The following GRM5 variants were observed in gnomAD, a reference collection of about 807,000 sequenced individuals.
GRM5 encodes the protein metabotropic glutamate receptor 5.
Under a neutral mutation model 83.1 loss-of-function variants are expected in GRM5, and 19 were observed. That is an observed-to-expected ratio of 0.23 (90% CI 0.16 to 0.34). GRM5 has a LOEUF of 0.34. Among genes scored for constraint, GRM5 ranks in the 10% least tolerant of loss-of-function variants. The pLI, the probability that GRM5 is intolerant of heterozygous loss-of-function variation, is 1.00. For missense variants in GRM5, 1,160 were observed against 1,588.3 expected, an observed-to-expected ratio of 0.73 and a Z score of 4.58; for synonymous variants, 675 against 633.6, an observed-to-expected ratio of 1.07 and a Z score of -0.98.
In GRM5 at chr11:88,639,680, C is replaced by T. The variant is rs557040680; in HGVS notation, c.1147+13488G>A. Among the ~76,000 whole-genome samples, 9 of 152,008 alleles carry T rather than the reference C, an allele frequency of 5.9e-5. No individual in the cohort carries two copies. The South Asian group carries it at 1.9e-3, about 32-fold the overall frequency. Reference sequence around the variant, plus strand: ...TCTCCTCACTGCAAGCTCCACCTCCCAGGTTCATGCCATTCTCCTGCCTCA... The same window carrying T: ...TCTCCTCACTGCAAGCTCCACCTCCTAGGTTCATGCCATTCTCCTGCCTCA... On this transcript the variant is annotated intron_variant, in intron 4 of 9. Transcript: ENST00000305447.
chr11:88,908,076 T>C (rs1347508322), intron 2 of GRM5, among the ~76,000 whole-genome samples: 1 of 152,120 alleles, frequency 6.6e-6, no homozygotes, highest in Non-Finnish European at 1.5e-5. Flanking sequence ...ATATTGACTA[T>C]GGTTATTAAA....
intron 3 of GRM5, among the ~76,000 whole-genome samples, chr11:88,811,041 A>C (rs1162440456): frequency 6.6e-6 from 1 of 152,168 alleles, no homozygotes; most frequent in Admixed American, 6.6e-5. Flanking sequence ...AGATTATCTC[A>C]GCTCTAATAT....
chr11:88,508,575 G>A lies in GRM5; in HGVS notation c.*17C>T, dbSNP rs1246222037. 3.1e-6 allele frequency: 5 copies of A among 1,600,190 alleles called. No individual in the cohort carries two copies. Among genetic ancestry groups the A allele is most frequent in the Non-Finnish European group, 4.3e-6 (5 of 1,171,094 alleles). On this transcript the variant is annotated 3_prime_UTR_variant, in exon 10 of 10. Transcript: ENST00000305447. This position sits in a 1 kb window ranked among gnomAD's most constrained non-coding sequence, Gnocchi z 4.2. ...CTCCGCTCCGCACGCGCAGGCCGGCGTGCTTTCCAGGGACATTCACAACGA... is the reference window on the plus strand; with the variant it reads ...CTCCGCTCCGCACGCGCAGGCCGGCATGCTTTCCAGGGACATTCACAACGA...
chr11:88,736,828 T>C (rs955442053), intron 3 of GRM5, among the ~76,000 whole-genome samples: 2 of 152,012 alleles, frequency 1.3e-5, no homozygotes, highest in African/African-American at 2.4e-5. Flanking sequence ...CACTGAACTG[T>C]TTATCAATAT....
chr11:88,692,135 G>T (rs1940795436), intron 3 of GRM5, among the ~76,000 whole-genome samples: 1 of 152,122 alleles, frequency 6.6e-6, no homozygotes, highest in Non-Finnish European at 1.5e-5. Flanking sequence ...TCCTTTATGA[G>T]ATTGTTCTAG....
intron 8 of GRM5, among the ~76,000 whole-genome samples, chr11:88,531,616 C>T (rs975626570): frequency 6.6e-6 from 1 of 152,126 alleles, no homozygotes; most frequent in Admixed American, 6.6e-5. Flanking sequence ...AAATTGCAGA[C>T]TCTCTGAGAA....
At chr11:88,642,753 T>G (rs1490612324) in intron 4 of GRM5, among the ~76,000 whole-genome samples, 1 of 152,180 alleles carries the variant, frequency 6.6e-6, no homozygotes, top group East Asian at 1.9e-4. Flanking sequence ...CCAAGCTCTT[T>G]GCTAAGACAT....
At chr11:88,818,323 G>C (rs1039389940) in intron 3 of GRM5, among the ~76,000 whole-genome samples, 2 of 152,000 alleles carry the variant, frequency 1.3e-5, no homozygotes, top group South Asian at 4.2e-4. Context: ...TAATCAGCCT[G>C]TGACATTCCT....
At chr11:88,858,972 T>C (rs1244201759) in intron 2 of GRM5, among the ~76,000 whole-genome samples, 1 of 152,000 alleles carries the variant, frequency 6.6e-6, no homozygotes, top group Non-Finnish European at 1.5e-5. Context: ...AATTCAAATA[T>C]GTGTGCATTA....
chr11:88,648,508 T>TG (rs1939529047), intron 4 of GRM5, among the ~76,000 whole-genome samples: 1 of 74,074 alleles, frequency 1.3e-5, no homozygotes, highest in African/African-American at 5.8e-5. Flanking sequence ...TGTGGTGGGG[T>TG]GGGGGGAGGG....
chr11:88,548,211 T>G (rs1451930544), intron 8 of GRM5, among the ~76,000 whole-genome samples: 1 of 152,196 alleles, frequency 6.6e-6, no homozygotes, highest in Non-Finnish European at 1.5e-5. Flanking sequence ...TTCTCTCATA[T>G]TAAGTGTTAT....
chr11:88,816,640 T>C (rs1220006846), intron 3 of GRM5, among the ~76,000 whole-genome samples: 1 of 121,152 alleles, frequency 8.3e-6, no homozygotes, highest in Non-Finnish European at 1.8e-5. Flanking sequence ...AAGCAAAAAA[T>C]CAATGAAAGA....
chr11:89,042,855 C>A (rs1445677609), intron 2 of GRM5, among the ~76,000 whole-genome samples: 1 of 146,772 alleles, frequency 6.8e-6, no homozygotes, highest in African/African-American at 2.7e-5. Flanking sequence ...AAATTGCAAT[C>A]TCTAGGTTAA....
chr11:88,861,996 A>G (rs1944572607), intron 2 of GRM5, among the ~76,000 whole-genome samples: 1 of 152,216 alleles, frequency 6.6e-6, no homozygotes, highest in South Asian at 2.1e-4. Context: ...GAAAATGAGC[A>G]GCAATTTTTC....
At chr11:88,764,725 A>G (rs929173966) in intron 3 of GRM5, among the ~76,000 whole-genome samples, 11 of 151,664 alleles carry the variant, frequency 7.3e-5, no homozygotes, top group Non-Finnish European at 1.5e-4. Context: ...GAGGAAATTT[A>G]TAGCTATAAA....
chr11:88,638,685 C>A (rs931015776), intron 4 of GRM5, among the ~76,000 whole-genome samples: 1 of 152,044 alleles, frequency 6.6e-6, no homozygotes, highest in Non-Finnish European at 1.5e-5. Context: ...TTCATATTTT[C>A]TCTTTATCCT....
intron 3 of GRM5, among the ~76,000 whole-genome samples, chr11:88,683,421 T>G (rs1028792560): frequency 1.3e-5 from 2 of 152,244 alleles, no homozygotes; most frequent in African/African-American, 4.8e-5. Context: ...CTTTAGCATT[T>G]TATATTGCAC....
chr11:89,015,111 A>G (rs1940817866), intron 2 of GRM5, among the ~76,000 whole-genome samples: 1 of 152,220 alleles, frequency 6.6e-6, no homozygotes. Flanking sequence ...ATATTACATA[A>G]CTTAATATTT....
intron 3 of GRM5, among the ~76,000 whole-genome samples, chr11:88,702,221 A>T (rs1941052565): frequency 6.6e-6 from 1 of 152,086 alleles, no homozygotes; most frequent in Admixed American, 6.6e-5. Context: ...AGATACAAGG[A>T]ATCTGCCTTA....
Sources: allele counts gnomAD v4.1 joint callset (sites outside exome capture counted in the v4.1 genomes callset), GRCh38; gene constraint gnomAD v4.1.1; non-coding constraint Gnocchi (gnomAD v3.1); transcripts MANE v1.5; gene names NCBI Gene and HGNC (gene_info 2026-07-23, HGNC 2026-07-21).